JPH3: variants seen among roughly 807,000 people sequenced by gnomAD.
JPH3 encodes the protein junctophilin 3, also known as junctophilin-3.
In JPH3, 11 loss-of-function variants were observed where a neutral mutation model predicts 59.6. That is an observed-to-expected ratio of 0.18 (90% CI 0.12 to 0.31). JPH3 has a LOEUF of 0.31. JPH3 is among the 10% of genes least tolerant of loss of function. The pLI, the probability that JPH3 is intolerant of heterozygous loss-of-function variation, is 1.00. For missense variants in JPH3, 1,202 were observed against 1,105.7 expected, an observed-to-expected ratio of 1.09 and a Z score of -1.24; for synonymous variants, 673 against 483.6, an observed-to-expected ratio of 1.39 and a Z score of -5.14.
At chr16:87,692,400 G>C (rs1247215254) in intron 4 of JPH3, among the ~76,000 whole-genome samples, 1 of 152,204 alleles carries the variant, frequency 6.6e-6, no homozygotes, top group Admixed American at 6.5e-5. Context: ...TGCCAGGCTG[G>C]GCTGAGTGCC....
intron 1 of JPH3, among the ~76,000 whole-genome samples, chr16:87,612,774 G>A (rs1055167894): frequency 2.6e-5 from 4 of 152,118 alleles, no homozygotes; most frequent in African/African-American, 9.7e-5. Context: ...CCAGCACTTT[G>A]GGAGGCCGAG....
chr16:87,638,720 G>A (rs1020434655), intron 1 of JPH3, among the ~76,000 whole-genome samples: 5 of 152,146 alleles, frequency 3.3e-5, no homozygotes, highest in African/African-American at 1.2e-4. Flanking sequence ...CTCCATGTCT[G>A]TAGAGAGGCT....
chr16:87,676,528 G>A (rs2033144607), intron 2 of JPH3, among the ~76,000 whole-genome samples: 1 of 152,084 alleles, frequency 6.6e-6, no homozygotes, highest in African/African-American at 2.4e-5. Flanking sequence ...GAGGTCAAGA[G>A]ATCGAGATCA....
In JPH3 at chr16:87,684,194, G is replaced by T; in HGVS notation, c.1213G>T (p.Ala405Ser). 1 of 1,613,924 alleles carries T rather than the reference G, an allele frequency of 6.2e-7. No homozygotes were observed. The change falls in exon 3 of 5, where the codon GCC (alanine) becomes TCC (serine). Residue 405 changes from alanine (A) to serine (S), a missense_variant. By Grantham distance (99) the Ala-to-Ser change is moderately conservative. Transcript: ENST00000284262. ...AEAALTAAQK[A>S]QEEARIARIT... ...GGCAGCCCTCACAGCAGCTCAGAAA[G>T]CCCAGGAGGAGGCGCGGATCGCCAG...
chr16:87,687,150 C>T lies in JPH3; in HGVS notation c.1286-2496C>T, dbSNP rs192849349. Among the ~76,000 whole-genome samples the T allele has an allele frequency of 7.9e-5, 12 of 152,222 alleles. No individual in the cohort carries two copies. The East Asian group carries it at 1.4e-3, about 17-fold the overall frequency. On this transcript the variant is annotated intron_variant, in intron 3 of 4. Transcript: ENST00000284262. ...ATCAGTGTTCCCAGACCAGGCACCC[C>T]GGGGCCTTCTCGGCTGCTGGGGAGG...
chr16:87,625,990 C>G (rs1439423021), intron 1 of JPH3, among the ~76,000 whole-genome samples: 1 of 152,202 alleles, frequency 6.6e-6, no homozygotes, highest in South Asian at 2.1e-4. Flanking sequence ...TCCTCATAGC[C>G]AAGGAGGCAA....
In JPH3 at chr16:87,644,698, G is replaced by C; in HGVS notation, c.823G>C (p.Val275Leu). The change falls in exon 2 of 5, where the codon GTC (valine) becomes CTC (leucine). Residue 275 changes from valine (V) to leucine (L), a missense_variant. Coordinates refer to ENST00000284262, the MANE Select transcript of JPH3 (RefSeq NM_020655.4). The stretch of plus-strand genomic sequence containing the variant: ...GGGCGAGGCTGAGGCCGAGCTGGCG[G>C]TCATCGAGGACGACATCGACGCCAC... Reference protein sequence around the residue: ...SLGEAEAELAVIEDDIDATTT... With the variant: ...SLGEAEAELALIEDDIDATTT... The C allele has an allele frequency of 6.2e-7, 1 of 1,612,250 alleles. No homozygotes were observed. Among genetic ancestry groups the C allele is most frequent in the Non-Finnish European group, 8.5e-7 (1 of 1,179,918 alleles).
rs144383324 is a variant in JPH3, at chr16:87,630,332, A to G, written c.383-13926A>G. ...CCTCTGGCATGTCCACCCTGCCACA[A>G]TCATCTTCCTCACCCTCATCTGCAG... On this transcript the variant is annotated intron_variant, in intron 1 of 4. Coordinates refer to ENST00000284262, the MANE Select transcript of JPH3 (RefSeq NM_020655.4). Among the ~76,000 whole-genome samples the G allele has an allele frequency of 1.5e-3, 226 of 152,194 alleles. 1 individual carries two copies. The highest frequency in any genetic ancestry group is 2.8e-3 in the Non-Finnish European group (192 of 67,996).
At chr16:87,624,945 A>G (rs2031316265) in intron 1 of JPH3, among the ~76,000 whole-genome samples, 1 of 152,148 alleles carries the variant, frequency 6.6e-6, no homozygotes, top group Non-Finnish European at 1.5e-5. Context: ...GATTATAGGC[A>G]TGCGCCACCA....
intron 3 of JPH3, among the ~76,000 whole-genome samples, chr16:87,686,699 G>A (rs1329654117): frequency 6.6e-6 from 1 of 151,960 alleles, no homozygotes; most frequent in Non-Finnish European, 1.5e-5. Flanking sequence ...GCTTCCTGGA[G>A]GGCTCAGTCC....
chr16:87,637,264 G>C (rs895226890), intron 1 of JPH3, among the ~76,000 whole-genome samples: 2 of 152,154 alleles, frequency 1.3e-5, no homozygotes, highest in African/African-American at 4.8e-5. Context: ...ACGGGGTTCT[G>C]ATCATCAGCT....
intron 1 of JPH3, among the ~76,000 whole-genome samples, chr16:87,622,230 C>T (rs113481644): frequency 5.9e-5 from 9 of 152,328 alleles, no homozygotes; most frequent in African/African-American, 1.7e-4. Flanking sequence ...CTGTGCGTCC[C>T]TGCGTCTCCA....
intron 2 of JPH3, among the ~76,000 whole-genome samples, chr16:87,665,139 G>A (rs1412644320): frequency 1.3e-5 from 2 of 152,110 alleles, no homozygotes. Flanking sequence ...CAGTCTTTAT[G>A]GGGGAGATCA....
Position 87,683,230 on chromosome 16 carries a change from C to T in JPH3, c.1161-912C>T, listed in dbSNP as rs1462974342. 3.9e-5 allele frequency among the ~76,000 whole-genome samples: 6 copies of T among 152,174 alleles called. No individual in the cohort carries two copies. The East Asian group carries it at 7.7e-4, about 20-fold the overall frequency. Reference sequence around the variant, plus strand: ...CACACACAGCACAGCGGGCCGGCACCGCCGGGGTGGGTTGTCTGGGCTTGG... The same window carrying T: ...CACACACAGCACAGCGGGCCGGCACTGCCGGGGTGGGTTGTCTGGGCTTGG... On this transcript the variant is annotated intron_variant, in intron 2 of 4. Coordinates refer to ENST00000284262, the MANE Select transcript of JPH3 (RefSeq NM_020655.4).
At chr16:87,668,374 C>T (rs1359914680) in intron 2 of JPH3, among the ~76,000 whole-genome samples, 1 of 152,214 alleles carries the variant, frequency 6.6e-6, no homozygotes, top group African/African-American at 2.4e-5. Context: ...TCCCTCACCT[C>T]TCCGCAGACG....
At chr16:87,653,873 GACA>G (rs1384530748) in intron 2 of JPH3, 3 of 152,258 alleles carry the variant, frequency 2.0e-5, no homozygotes, top group Non-Finnish European at 1.5e-5. Context: ...GTGCAGAGGA[GACA>G]ACAAGGAGAG....
At chr16:87,661,543 C>T (rs1396582216) in intron 2 of JPH3, among the ~76,000 whole-genome samples, 1 of 152,232 alleles carries the variant, frequency 6.6e-6, no homozygotes, top group East Asian at 1.9e-4. Flanking sequence ...TGTAGGTCAC[C>T]ACCATGTGTG....
At chr16:87,668,977 G>T (rs114350271) in intron 2 of JPH3, among the ~76,000 whole-genome samples, 1 of 152,098 alleles carries the variant, frequency 6.6e-6, no homozygotes. Context: ...CAAACATCTC[G>T]TTAATCTTCT....
At chr16:87,623,632 A>C (rs2031269205) in intron 1 of JPH3, among the ~76,000 whole-genome samples, 1 of 152,224 alleles carries the variant, frequency 6.6e-6, no homozygotes, top group South Asian at 2.1e-4. Flanking sequence ...GCAGACCCCG[A>C]GTTCCGGACC....
Sources: allele counts gnomAD v4.1 joint callset (sites outside exome capture counted in the v4.1 genomes callset), GRCh38; gene constraint gnomAD v4.1.1; transcripts MANE v1.5; gene names NCBI Gene and HGNC (gene_info 2026-07-23, HGNC 2026-07-21).